The following TBC1D20 variants were observed in gnomAD, a reference collection of about 807,000 sequenced individuals.
TBC1D20 encodes chromosome 20 open reading frame 140.
A neutral mutation model predicts 41.6 loss-of-function variants in TBC1D20; 12 were observed. The ratio of observed to expected loss-of-function variants is 0.29; its 90% confidence interval spans 0.18 to 0.47. The LOEUF (loss-of-function observed/expected upper bound fraction) is 0.47, where lower values mean the gene tolerates loss of function less well. Among genes scored for constraint, TBC1D20 ranks in the 20% least tolerant of loss-of-function variants. TBC1D20 has a pLI of 1.00. For synonymous variants in TBC1D20, 205 were observed against 204.8 expected, an observed-to-expected ratio of 1.00 and a Z score of -0.01; for missense variants, 421 against 517.4, an observed-to-expected ratio of 0.81 and a Z score of 1.81.
chr20:440,164 A>G, intron 6 of TBC1D20, 84 bp downstream of exon 6: 1 of 1,519,720 alleles, frequency 6.6e-7, no homozygotes, highest in Non-Finnish European at 8.9e-7. Flanking sequence ...TCTTTCCATA[A>G]TCCCCAGGTT....
Position 437,463 on chromosome 20 carries a change from G to C in TBC1D20, c.*1123C>G, listed in dbSNP as rs974464933. 16 of 152,744 alleles carry C rather than the reference G, an allele frequency of 1.0e-4. No homozygotes were observed. Among genetic ancestry groups the C allele is most frequent in the African/African-American group, 3.8e-4 (16 of 41,576 alleles). The allele number at this position is 152,744 out of a possible 1,614,324, so 9.5% of individuals were successfully genotyped here. ...ACAGGGAAGCTGTCCCAGAAGGACT[G>C]AGTGATGCCTCTTGTTCCCTAAGGT... is the stretch of plus-strand genomic sequence containing the variant. On this transcript the variant is annotated 3_prime_UTR_variant, in exon 8 of 8. Transcript: ENST00000354200.
chr20:442,189 T>A, intron 3 of TBC1D20, 146 bp from the exon 4 acceptor site: 1 of 712,320 alleles, frequency 1.4e-6, no homozygotes, highest in Admixed American at 3.0e-5. Flanking sequence ...CCACTGTTGA[T>A]ACCACCTGGC....
At position 439,271 on chromosome 20, in the gene TBC1D20, C is replaced by T; in HGVS notation, c.793G>A (p.Val265Ile). ...GCCATGTCACAGTCACAGTCCAGGA[C>T]TTCCTGCTCGCGATACAACACAATC... ...AVIVLYREQE[V>I]LDCDCDMASV... Residue 265 changes from valine to isoleucine, a missense_variant, in exon 7 of 8, where the codon GTC (valine) becomes ATC (isoleucine). Val to Ile is a conservative substitution (Grantham distance 29, BLOSUM62 3). Around this residue, in one of 3 missense-constraint regions of TBC1D20, gnomAD observed 161 missense variants for 182.7 expected, o/e 0.88. Coordinates refer to ENST00000354200, the MANE Select transcript of TBC1D20 (RefSeq NM_144628.4). The surrounding 1 kb of genome is among the most constrained non-coding windows in gnomAD (Gnocchi z 4.6). 1 of 1,611,642 alleles carries T rather than the reference C, an allele frequency of 6.2e-7. No homozygotes were observed. Among genetic ancestry groups the T allele is most frequent in the South Asian group, 1.1e-5 (1 of 90,788 alleles).
At chr20:458,331 A>T (rs205897) in intron 1 of TBC1D20, among the ~76,000 whole-genome samples, 90,542 of 145,916 alleles carry the variant, frequency 0.62, 27,777 homozygotes, top group East Asian at 0.91. Context: ...TTTTTTTTTT[A>T]GAGACAGGGT....
At chr20:447,629 G>GC (rs1377310294) in intron 2 of TBC1D20, among the ~76,000 whole-genome samples, 1 of 152,096 alleles carries the variant, frequency 6.6e-6, no homozygotes, top group East Asian at 1.9e-4. Flanking sequence ...CCGCACTCCA[G>GC]CCTGGGTGAC....
In TBC1D20 at chr20:439,095, C is replaced by T. The variant is rs1170186585; in HGVS notation, c.956+13G>A. 1.2e-6 allele frequency: 2 copies of T among 1,603,950 alleles called. No individual in the cohort carries two copies. Among genetic ancestry groups the T allele is most frequent in the Non-Finnish European group, 1.7e-6 (2 of 1,174,836 alleles). On this transcript the variant is annotated intron_variant, in intron 7 of 7. Coordinates refer to ENST00000354200, the MANE Select transcript of TBC1D20 (RefSeq NM_144628.4). The surrounding 1 kb of genome is among the most constrained non-coding windows in gnomAD (Gnocchi z 4.6). ...AGCCACCCCCATTCAACCAGTGTCC[C>T]AGCCTTGCTCACCTCTCAGCTTGCT...
intron 1 of TBC1D20, among the ~76,000 whole-genome samples, chr20:450,100 G>C (rs2017417279): frequency 6.6e-6 from 1 of 151,622 alleles, no homozygotes; most frequent in African/African-American, 2.4e-5. Context: ...CACATGAAAA[G>C]GTCTCCTGTT....
At chr20:449,961 C>A (rs952075425) in intron 1 of TBC1D20, among the ~76,000 whole-genome samples, 2 of 152,200 alleles carry the variant, frequency 1.3e-5, no homozygotes, top group African/African-American at 2.4e-5. Flanking sequence ...TGTTTTCATA[C>A]AAGAATGTCC....
At chr20:450,437 C>T (rs114029230) in intron 1 of TBC1D20, among the ~76,000 whole-genome samples, 3 of 152,112 alleles carry the variant, frequency 2.0e-5, no homozygotes, top group South Asian at 2.1e-4. Flanking sequence ...TGAGCCACCA[C>T]GCCTGGCCAA....
rs957797457 is a variant in TBC1D20, at chr20:462,458, G to A, written c.-53C>T. ...GCCCCGGCTGGTGGCGGAGCCGGGA[G>A]AAGACGCGGCTCCGACCGCGGGACG... On this transcript the variant is annotated 5_prime_UTR_variant, in exon 1 of 8. Transcript: ENST00000354200. 6 of 1,086,004 alleles carry A rather than the reference G, an allele frequency of 5.5e-6. No individual in the cohort carries two copies. The highest frequency in any genetic ancestry group is 1.7e-5 in the African/African-American group (1 of 60,006). 67.3% of individuals were successfully genotyped at this position (1,086,004 alleles called of 1,614,324 possible). A position where few individuals can be genotyped will look rare whatever the true frequency, so the allele number is the denominator to read the frequency against.
At chr20:457,204 A>G (rs530193435) in intron 1 of TBC1D20, among the ~76,000 whole-genome samples, 9 of 152,126 alleles carry the variant, frequency 5.9e-5, no homozygotes, top group South Asian at 2.1e-4. Context: ...CCAAAGTGCT[A>G]GGATTACAGG....
chr20:445,193 T>C, intron 2 of TBC1D20, 63 bp from the exon 3 acceptor site: 3 of 1,307,432 alleles, frequency 2.3e-6, no homozygotes, highest in Middle Eastern at 1.8e-4. Flanking sequence ...AAGCAAAACA[T>C]TCTGGGATGA....
chr20:448,514 C>A (rs1203213797), intron 1 of TBC1D20, among the ~76,000 whole-genome samples: 1 of 151,798 alleles, frequency 6.6e-6, no homozygotes, highest in Non-Finnish European at 1.5e-5. Context: ...TATGGTGAAC[C>A]CCCGTCTCTC....
chr20:460,647 A>G (rs1392640624), intron 1 of TBC1D20, among the ~76,000 whole-genome samples: 1 of 152,226 alleles, frequency 6.6e-6, no homozygotes, highest in Admixed American at 6.5e-5. Context: ...GCAGGTACCA[A>G]GAAAGAATGT....
chr20:462,270 C>A, intron 1 of TBC1D20, 66 bp downstream of exon 1: 1 of 1,137,304 alleles, frequency 8.8e-7, no homozygotes, highest in African/African-American at 1.6e-5. Context: ...GCCGCCTCCG[C>A]CAGCTGCCCC....
intron 1 of TBC1D20, among the ~76,000 whole-genome samples, chr20:458,481 T>G (rs2017579173): frequency 6.6e-6 from 1 of 151,834 alleles, no homozygotes; most frequent in Non-Finnish European, 1.5e-5. Context: ...CCCAGCTAAT[T>G]TTTGCGTATA....
rs145512873 is a variant in TBC1D20 at position 444,038 on chromosome 20, G to A, written c.337+1012C>T. On this transcript the variant is annotated intron_variant, in intron 3 of 7. Coordinates refer to ENST00000354200, the MANE Select transcript of TBC1D20 (RefSeq NM_144628.4). The stretch of plus-strand genomic sequence containing the variant: ...CCCAGCTACTTGGGAGGCTGAGGCA[G>A]GAGAACTGCCTGAACCTGGGAGGCG... 4.2e-3 allele frequency among the ~76,000 whole-genome samples: 637 copies of A among 152,076 alleles called. 6 individuals are homozygous for A. Among genetic ancestry groups the A allele is most frequent in the African/African-American group, 0.015 (605 of 41,456 alleles).
intron 1 of TBC1D20, among the ~76,000 whole-genome samples, chr20:456,053 A>G (rs284911): frequency 0.57 from 86,353 of 152,012 alleles, 25,894 homozygotes; most frequent in African/African-American, 0.76. Context: ...CGACGTGGGC[A>G]GATTGCTTGA....
intron 1 of TBC1D20, among the ~76,000 whole-genome samples, chr20:458,503 G>C (rs972156313): frequency 6.6e-6 from 1 of 151,668 alleles, no homozygotes; most frequent in Non-Finnish European, 1.5e-5. Flanking sequence ...ATATTTTGTA[G>C]AGAAAAAAAG....
Sources: gnomAD v4.1 joint callset for allele counts (sites outside exome capture counted in the v4.1 genomes callset) on GRCh38, gnomAD v4.1.1 for gene constraint, gnomAD v4.1.1 regional missense constraint, Gnocchi (gnomAD v3.1) non-coding constraint, MANE v1.5 for transcripts, NCBI Gene and HGNC (gene_info 2026-07-23, HGNC 2026-07-21) for gene names.